MCU: variants seen among roughly 807,000 people sequenced by gnomAD.
MCU encodes calcium uniporter protein, mitochondrial.
MCU carries 12 observed loss-of-function variants against 45.2 expected under a neutral mutation model. The observed-to-expected ratio is 0.27, with a 90% CI of 0.17 to 0.43. The LOEUF is 0.43. Ranked by LOEUF, MCU falls within the 20% of genes least tolerant of loss-of-function variation. The pLI is 1.00. For synonymous variants in MCU, 160 were observed against 165.1 expected (o/e 0.97, Z 0.24); for missense variants, 324 against 436.7 (o/e 0.74, Z 2.30).
chr10:72,774,171 A>G (rs1181026829), intron 1 of MCU, among the ~76,000 whole-genome samples: 2 of 152,228 alleles, frequency 1.3e-5, no homozygotes, highest in African/African-American at 2.4e-5. Flanking sequence ...CCAAAATCAC[A>G]TCTATCAAAA....
intron 1 of MCU, among the ~76,000 whole-genome samples, chr10:72,804,397 T>G (rs974824194): frequency 6.6e-6 from 1 of 152,072 alleles, no homozygotes; most frequent in African/African-American, 2.4e-5. Context: ...ACAATTTACC[T>G]ATTTTTAAAG....
chr10:72,773,070 T>G (rs1843836447), intron 1 of MCU, among the ~76,000 whole-genome samples: 1 of 152,098 alleles, frequency 6.6e-6, no homozygotes, highest in Non-Finnish European at 1.5e-5. Flanking sequence ...GGCTAATTTT[T>G]GAATATTTTG....
At chr10:72,697,264 G>T (rs1469999166) in intron 1 of MCU, among the ~76,000 whole-genome samples, 2 of 151,404 alleles carry the variant, frequency 1.3e-5, no homozygotes, top group Non-Finnish European at 2.9e-5. Context: ...ATATAGGCGT[G>T]TGCCACCATG....
intron 4 of MCU, among the ~76,000 whole-genome samples, chr10:72,862,918 G>T: frequency 7.5e-6 from 1 of 133,346 alleles, no homozygotes; most frequent in South Asian, 2.4e-4. Context: ...TAAAAAAAAA[G>T]AAAAAAAAAA....
chr10:72,854,454 A>G (rs2132861799), intron 2 of MCU, among the ~76,000 whole-genome samples: 1 of 152,366 alleles, frequency 6.6e-6, no homozygotes, highest in East Asian at 1.9e-4. Context: ...AGTTTATAAT[A>G]TATGTAGAAA....
At chr10:72,742,037 A>G (rs952818015) in intron 1 of MCU, among the ~76,000 whole-genome samples, 1 of 151,660 alleles carries the variant, frequency 6.6e-6, no homozygotes, top group Non-Finnish European at 1.5e-5. Flanking sequence ...AAAAAAAAAA[A>G]AAAAAAAACA....
In MCU at chr10:72,887,404, C is replaced by T. The variant is rs1277333411; in HGVS notation, c.*1582C>T. 6.5e-6 allele frequency: 1 copy of T among 152,752 alleles called. No homozygotes were observed. Among genetic ancestry groups the T allele is most frequent in the Non-Finnish European group, 1.5e-5 (1 of 68,052 alleles). 9.5% of individuals were successfully genotyped at this position (152,752 alleles called of 1,614,324 possible). The stretch of plus-strand genomic sequence containing the variant: ...TGACCCTCCGCCCACTTCCTTCTCC[C>T]TCCACCACCCCCAGTCGTCAGCTCC... On this transcript the variant is annotated 3_prime_UTR_variant, in exon 8 of 8. Coordinates refer to ENST00000373053, the MANE Select transcript of MCU (RefSeq NM_138357.3).
intron 1 of MCU, among the ~76,000 whole-genome samples, chr10:72,804,661 A>G: frequency 6.6e-6 from 1 of 152,228 alleles, no homozygotes; most frequent in Non-Finnish European, 1.5e-5. Flanking sequence ...AAATTCACAT[A>G]CAGTCACAGT....
chr10:72,729,746 C>T (rs1217546334), intron 1 of MCU, among the ~76,000 whole-genome samples: 1 of 152,120 alleles, frequency 6.6e-6, no homozygotes, highest in African/African-American at 2.4e-5. Context: ...CTTGGCATGA[C>T]TGATACTTTG....
intron 1 of MCU, among the ~76,000 whole-genome samples, chr10:72,738,326 A>G (rs1042130030): frequency 2.0e-5 from 3 of 152,218 alleles, no homozygotes; most frequent in African/African-American, 7.2e-5. Flanking sequence ...AAGAGAGCCA[A>G]TCATGGTATA....
intron 1 of MCU, among the ~76,000 whole-genome samples, chr10:72,805,103 C>G (rs112532042): frequency 2.3e-5 from 2 of 88,698 alleles, no homozygotes; most frequent in African/African-American, 1.0e-4. Flanking sequence ...CTTTCTTTCT[C>G]TTTCTTTCTT....
At chr10:72,756,100 C>T (rs904222198) in intron 1 of MCU, among the ~76,000 whole-genome samples, 1 of 152,144 alleles carries the variant, frequency 6.6e-6, no homozygotes, top group African/African-American at 2.4e-5. Flanking sequence ...GATCCACCCA[C>T]CTCAGCTTCC....
chr10:72,707,849 A>G (rs1008277328), intron 1 of MCU, among the ~76,000 whole-genome samples: 4 of 151,524 alleles, frequency 2.6e-5, no homozygotes, highest in Non-Finnish European at 5.9e-5. Flanking sequence ...TATTTTATTT[A>G]TTTTTCTGAG....
chr10:72,790,166 A>T (rs1182969141), intron 1 of MCU, among the ~76,000 whole-genome samples: 1 of 152,216 alleles, frequency 6.6e-6, no homozygotes. Flanking sequence ...TATCTTTCTT[A>T]ACCCTACAGC....
chr10:72,703,184 A>AAT (rs749860130), intron 1 of MCU, among the ~76,000 whole-genome samples: 4 of 152,158 alleles, frequency 2.6e-5, no homozygotes, highest in Non-Finnish European at 5.9e-5. Flanking sequence ...TACCAATGAT[A>AAT]ATATTTTTCA....
intron 1 of MCU, among the ~76,000 whole-genome samples, chr10:72,773,223 G>A (rs1045808180): frequency 6.6e-6 from 1 of 152,068 alleles, no homozygotes; most frequent in Non-Finnish European, 1.5e-5. Context: ...AGGAAACTGA[G>A]TGATCTCCAA....
At chr10:72,769,296 G>A (rs1288224853) in intron 1 of MCU, among the ~76,000 whole-genome samples, 1 of 152,160 alleles carries the variant, frequency 6.6e-6, no homozygotes, top group Non-Finnish European at 1.5e-5. Context: ...GAATAAAACC[G>A]AGTTCTTGCT....
chr10:72,800,641 A>C (rs1278436570), intron 1 of MCU, among the ~76,000 whole-genome samples: 1 of 152,240 alleles, frequency 6.6e-6, no homozygotes, highest in African/African-American at 2.4e-5. Flanking sequence ...GCTGAGAATC[A>C]CTGATAACAA....
intron 1 of MCU, among the ~76,000 whole-genome samples, chr10:72,712,805 C>G (rs558348803): frequency 1.3e-5 from 2 of 152,288 alleles, no homozygotes; most frequent in South Asian, 4.1e-4. Flanking sequence ...TTTATCTTCT[C>G]AATTTCATGC....
Sources: gnomAD v4.1 joint callset for allele counts (sites outside exome capture counted in the v4.1 genomes callset) on GRCh38, gnomAD v4.1.1 for gene constraint, MANE v1.5 for transcripts, NCBI Gene and HGNC (gene_info 2026-07-23, HGNC 2026-07-21) for gene names.